PPARGC1B: variants seen among roughly 807,000 people sequenced by gnomAD.
PPARGC1B encodes PPARG coactivator 1 beta.
A neutral mutation model predicts 101.6 loss-of-function variants in PPARGC1B; 34 were observed. The observed-to-expected ratio is 0.33, with a 90% CI of 0.25 to 0.45. The LOEUF (loss-of-function observed/expected upper bound fraction) is 0.45. PPARGC1B is among the 20% of genes least tolerant of loss of function. PPARGC1B has a pLI of 1.00. For missense variants in PPARGC1B, 1,234 were observed against 1,317.6 expected (o/e 0.94, Z 0.98); for synonymous variants, 548 against 539.3 (o/e 1.02, Z -0.22).
intron 1 of PPARGC1B, among the ~76,000 whole-genome samples, chr5:149,814,359 C>T (rs1462834079): frequency 2.0e-5 from 3 of 152,130 alleles, no homozygotes; most frequent in Non-Finnish European, 2.9e-5. Context: ...CTGAGTTCTG[C>T]GTGTTTCCCC....
chr5:149,759,555 T>G (rs949976113), intron 1 of PPARGC1B, among the ~76,000 whole-genome samples: 1 of 152,204 alleles, frequency 6.6e-6, no homozygotes, highest in East Asian at 1.9e-4. Flanking sequence ...TTACCTGTCT[T>G]CAGCAGCTGT....
At chr5:149,822,295 A>G (rs1190145317) in intron 2 of PPARGC1B, among the ~76,000 whole-genome samples, 1 of 152,136 alleles carries the variant, frequency 6.6e-6, no homozygotes, top group Non-Finnish European at 1.5e-5. Context: ...ATGAGGTCCT[A>G]CTAATGCTTT....
At chr5:149,743,258 T>C (rs921097910) in intron 1 of PPARGC1B, among the ~76,000 whole-genome samples, 3 of 151,420 alleles carry the variant, frequency 2.0e-5, no homozygotes, top group Non-Finnish European at 4.4e-5. Context: ...TGGGTTCAAC[T>C]GATTCTCCTG....
At chr5:149,813,953 C>T (rs1010390948) in intron 1 of PPARGC1B, among the ~76,000 whole-genome samples, 2 of 152,178 alleles carry the variant, frequency 1.3e-5, no homozygotes, top group Non-Finnish European at 2.9e-5. Context: ...CATTCATGAC[C>T]TCATCACCTC....
At chr5:149,830,382 A>G (rs1758732269) in intron 3 of PPARGC1B, among the ~76,000 whole-genome samples, 1 of 152,078 alleles carries the variant, frequency 6.6e-6, no homozygotes, top group South Asian at 2.1e-4. Flanking sequence ...TTTGGTACCT[A>G]ACCTTCCAGA....
intron 1 of PPARGC1B, among the ~76,000 whole-genome samples, chr5:149,811,032 G>A (rs1203497921): frequency 6.6e-6 from 1 of 152,136 alleles, no homozygotes; most frequent in Non-Finnish European, 1.5e-5. Context: ...GCTGCAGAGG[G>A]GAATTCCTAG....
intron 1 of PPARGC1B, among the ~76,000 whole-genome samples, chr5:149,813,676 T>C (rs1258545744): frequency 6.6e-6 from 1 of 152,208 alleles, no homozygotes; most frequent in Non-Finnish European, 1.5e-5. Flanking sequence ...CAGCTGTGAA[T>C]GTCACTTGGG....
chr5:149,820,505 G>A lies in PPARGC1B; in HGVS notation c.151G>A (p.Asp51Asn), dbSNP rs765909337. 26 of 1,613,900 alleles carry A rather than the reference G, an allele frequency of 1.6e-5. No individual in the cohort carries two copies. The African/African-American group carries it at 2.4e-4, about 15-fold the overall frequency. The change falls in exon 2 of 12, where the codon GAC becomes AAC. Residue 51 changes from aspartate (D) to asparagine (N), a missense_variant. Coordinates refer to ENST00000309241, the MANE Select transcript of PPARGC1B (RefSeq NM_133263.4). Reference sequence around the variant, plus strand: ...TGACCTCTCCCAGCTGGATGCCAGCGACTTTGACTCGGCCACCTGCTTTGG... The same window carrying A: ...TGACCTCTCCCAGCTGGATGCCAGCAACTTTGACTCGGCCACCTGCTTTGG... ...ELDLSQLDASDFDSATCFGEL... is the reference protein window; with the variant it reads ...ELDLSQLDASNFDSATCFGEL...
At position 149,730,353 on chromosome 5, in the gene PPARGC1B, A is replaced by G. The variant is rs930128955; in HGVS notation, c.11A>G (p.Asn4Ser). The G allele has an allele frequency of 3.2e-6, 5 of 1,564,262 alleles. No homozygotes were observed. Among genetic ancestry groups the G allele is most frequent in the African/African-American group, 1.4e-5 (1 of 71,224 alleles). The change falls in exon 1 of 12, where the codon AAC (asparagine) becomes AGC (serine). Residue 4 changes from asparagine to serine, a missense_variant. By Grantham distance (46) the Asn-to-Ser change is conservative (BLOSUM62 1). This residue lies in a region of PPARGC1B where 734 missense variants were observed against 768.4 expected (regional missense o/e 0.96). Transcript: ENST00000309241. This position sits in a 1 kb window ranked among gnomAD's most constrained non-coding sequence, Gnocchi z 4.0. The part of the protein sequence containing the change: MAG[N>S]DCGALLDEEL... ...AGCCGCGGCTGGAAGATGGCGGGGA[A>G]CGACTGCGGCGCGCTGCTGGACGAA... is the stretch of plus-strand genomic sequence containing the variant.
chr5:149,760,462 T>G (rs1228470137), intron 1 of PPARGC1B, among the ~76,000 whole-genome samples: 2 of 152,178 alleles, frequency 1.3e-5, no homozygotes, highest in African/African-American at 4.8e-5. Flanking sequence ...GCTTTTTCCT[T>G]GTTTAAAGAG....
intron 1 of PPARGC1B, among the ~76,000 whole-genome samples, chr5:149,769,953 G>A (rs1274014817): frequency 6.6e-6 from 1 of 152,154 alleles, no homozygotes; most frequent in Non-Finnish European, 1.5e-5. Context: ...CACATCGGCA[G>A]AGTCCCTTTT....
chr5:149,810,334 C>T (rs1044519010), intron 1 of PPARGC1B, among the ~76,000 whole-genome samples: 2 of 152,218 alleles, frequency 1.3e-5, no homozygotes, highest in African/African-American at 4.8e-5. Flanking sequence ...CTTCCTGGGC[C>T]TGGGGCAGGC....
intron 1 of PPARGC1B, among the ~76,000 whole-genome samples, chr5:149,731,421 G>T (rs1294928889): frequency 6.6e-6 from 1 of 152,164 alleles, no homozygotes; most frequent in Non-Finnish European, 1.5e-5. Context: ...TTCTCTGGGC[G>T]CCCGGCTGCG....
At chr5:149,739,654 G>A (rs1754842855) in intron 1 of PPARGC1B, among the ~76,000 whole-genome samples, 1 of 152,182 alleles carries the variant, frequency 6.6e-6, no homozygotes, top group Non-Finnish European at 1.5e-5. Context: ...GCCAGGGTGG[G>A]TAGTCCTCTG....
chr5:149,731,479 G>C (rs1468343481), intron 1 of PPARGC1B, among the ~76,000 whole-genome samples: 2 of 152,204 alleles, frequency 1.3e-5, no homozygotes, highest in Non-Finnish European at 2.9e-5. Context: ...GGAGCCCCGG[G>C]TGCTGGCACA....
chr5:149,734,275 T>TCGCG (rs1183475244), intron 1 of PPARGC1B, among the ~76,000 whole-genome samples: 3 of 126,180 alleles, frequency 2.4e-5, no homozygotes, highest in Non-Finnish European at 4.6e-5. Context: ...TGAGCCGAGA[T>TCGCG]CGCGCCACTT....
rs1266480480 is a variant in PPARGC1B at position 149,849,787 on chromosome 5, C to T, written c.*2229C>T. On this transcript the variant is annotated 3_prime_UTR_variant, in exon 12 of 12. Coordinates refer to ENST00000309241, the MANE Select transcript of PPARGC1B (RefSeq NM_133263.4). ...CAATACTATTTTGACGCCCACGTCC[C>T]CTTGCAGAGGGTGCAGGGGGCGGTA... 3 of 152,176 alleles carry T rather than the reference C, an allele frequency of 2.0e-5. No homozygotes were observed. Among genetic ancestry groups the T allele is most frequent in the African/African-American group, 7.2e-5 (3 of 41,446 alleles). 9.4% of individuals were successfully genotyped at this position (152,176 alleles called of 1,614,324 possible). A position where few individuals can be genotyped will look rare whatever the true frequency, so the allele number is the denominator to read the frequency against.
chr5:149,740,778 C>G (rs993596177), intron 1 of PPARGC1B, among the ~76,000 whole-genome samples: 4 of 152,218 alleles, frequency 2.6e-5, no homozygotes, highest in Non-Finnish European at 4.4e-5. Context: ...CTTAAGATAG[C>G]TGCAGATAAT....
At chr5:149,772,719 C>T (rs552791363) in intron 1 of PPARGC1B, among the ~76,000 whole-genome samples, 1 of 152,268 alleles carries the variant, frequency 6.6e-6, no homozygotes, top group Non-Finnish European at 1.5e-5. Context: ...CTTTAAAGAG[C>T]CTGGCTCCAA....
Sources: allele counts gnomAD v4.1 joint callset (sites outside exome capture counted in the v4.1 genomes callset), GRCh38; gene constraint gnomAD v4.1.1; regional missense constraint gnomAD v4.1.1; non-coding constraint Gnocchi (gnomAD v3.1); transcripts MANE v1.5; gene names NCBI Gene and HGNC (gene_info 2026-07-23, HGNC 2026-07-21).